PDZRN4: variants seen among roughly 807,000 people sequenced by gnomAD.
PDZRN4 encodes PDZ domain-containing RING finger protein 4.
In PDZRN4, 70 loss-of-function variants were observed where a neutral mutation model predicts 99.0. That is an observed-to-expected ratio of 0.71 (90% CI 0.58 to 0.86). PDZRN4 has a LOEUF of 0.86. Among genes scored for constraint, PDZRN4 ranks in the 40% least tolerant of loss-of-function variants. The pLI is 0.00. For missense variants in PDZRN4, 1,474 were observed against 1,331.2 expected (o/e 1.11, Z -1.67); for synonymous variants, 551 against 501.6 (o/e 1.10, Z -1.32).
chr12:41,557,107 C>T (rs1260819794), intron 7 of PDZRN4, among the ~76,000 whole-genome samples: 2 of 139,574 alleles, frequency 1.4e-5, no homozygotes, highest in Non-Finnish European at 3.1e-5. Context: ...GCCGAGATGC[C>T]ACCACTGTAC....
At chr12:41,504,075 C>A (rs541089316) in intron 3 of PDZRN4, among the ~76,000 whole-genome samples, 22 of 151,872 alleles carry the variant, frequency 1.4e-4, no homozygotes, top group Non-Finnish European at 2.8e-4. Context: ...TAGAGACCAT[C>A]CTGGCCAACA....
At chr12:41,357,641 T>C (rs1192565663) in intron 3 of PDZRN4, among the ~76,000 whole-genome samples, 4 of 152,012 alleles carry the variant, frequency 2.6e-5, no homozygotes, top group African/African-American at 7.2e-5. Context: ...AGCTTAAGCA[T>C]GTACTGTACC....
At chr12:41,197,571 G>A (rs1950781838) in intron 3 of PDZRN4, among the ~76,000 whole-genome samples, 1 of 152,176 alleles carries the variant, frequency 6.6e-6, no homozygotes, top group South Asian at 2.1e-4. Flanking sequence ...TACACTAGGT[G>A]TCAAAATATC....
At chr12:41,363,810 G>A (rs1402295522) in intron 3 of PDZRN4, among the ~76,000 whole-genome samples, 2 of 152,088 alleles carry the variant, frequency 1.3e-5, no homozygotes, top group Non-Finnish European at 2.9e-5. Flanking sequence ...GGTAGAAAGG[G>A]TGAGCAGAAA....
chr12:41,503,257 C>A (rs2120664991), intron 3 of PDZRN4, among the ~76,000 whole-genome samples: 1 of 152,214 alleles, frequency 6.6e-6, no homozygotes, highest in Non-Finnish European at 1.5e-5. Flanking sequence ...AGGTCAGCTG[C>A]ATGATAACTG....
chr12:41,418,509 A>C (rs1390784519), intron 3 of PDZRN4, among the ~76,000 whole-genome samples: 3 of 152,172 alleles, frequency 2.0e-5, no homozygotes, highest in Non-Finnish European at 4.4e-5. Context: ...GAAAATCTGA[A>C]CTTAAAAAAA....
intron 3 of PDZRN4, among the ~76,000 whole-genome samples, chr12:41,418,291 G>A (rs1447272292): frequency 6.6e-6 from 1 of 152,140 alleles, no homozygotes; most frequent in African/African-American, 2.4e-5. Context: ...ATTGAAAGTA[G>A]AGTGTCATCC....
At chr12:41,386,081 T>C (rs550525512) in intron 3 of PDZRN4, among the ~76,000 whole-genome samples, 1 of 152,176 alleles carries the variant, frequency 6.6e-6, no homozygotes, top group Non-Finnish European at 1.5e-5. Context: ...ATTGCCTCAA[T>C]AGGTGCAGAA....
chr12:41,400,066 TTG>T (rs1952279051), intron 3 of PDZRN4, among the ~76,000 whole-genome samples: 1 of 152,168 alleles, frequency 6.6e-6, no homozygotes, highest in Non-Finnish European at 1.5e-5. Flanking sequence ...AAAAGGGATA[TTG>T]CAGCAGCCTT....
In PDZRN4 at chr12:41,573,094, T is replaced by C. The variant is rs779196720; in HGVS notation, c.2315T>C (p.Leu772Pro). Residue 772 changes from leucine (L) to proline (P), a missense_variant, in exon 10 of 10, where the codon CTG (leucine) becomes CCG (proline). Transcript: ENST00000402685. ...RVINLTNKKNLRSTMAATQSS... is the reference protein window; with the variant it reads ...RVINLTNKKNPRSTMAATQSS... ...ATCAACCTCACCAATAAGAAAAACC[T>C]GAGAAGCACAATGGCAGCCACCCAG... 1.2e-6 allele frequency: 2 copies of C among 1,614,022 alleles called. No individual in the cohort carries two copies. The highest frequency in any genetic ancestry group is 1.3e-5 in the African/African-American group (1 of 74,998).
At chr12:41,200,241 G>A (rs1272626267) in intron 3 of PDZRN4, among the ~76,000 whole-genome samples, 2 of 152,114 alleles carry the variant, frequency 1.3e-5, no homozygotes, top group Admixed American at 1.3e-4. Context: ...CTGACTTTGT[G>A]TCACATTGTC....
At chr12:41,518,532 A>C (rs1237935355) in intron 5 of PDZRN4, among the ~76,000 whole-genome samples, 2 of 151,980 alleles carry the variant, frequency 1.3e-5, no homozygotes, top group Non-Finnish European at 2.9e-5. Flanking sequence ...AATTTTCCCA[A>C]AGTAAAATTA....
intron 9 of PDZRN4, among the ~76,000 whole-genome samples, chr12:41,569,823 G>T (rs1167863591): frequency 1.3e-5 from 2 of 152,262 alleles, no homozygotes; most frequent in East Asian, 3.9e-4. Flanking sequence ...TCCACAAACA[G>T]AATTTCATGC....
At chr12:41,260,360 G>A (rs930485859) in intron 3 of PDZRN4, among the ~76,000 whole-genome samples, 15 of 152,062 alleles carry the variant, frequency 9.9e-5, no homozygotes, top group Non-Finnish European at 1.5e-4. Context: ...TATGAGAAGT[G>A]CCATCTTTTG....
chr12:41,258,531 A>T (rs1951217782), intron 3 of PDZRN4, among the ~76,000 whole-genome samples: 1 of 152,226 alleles, frequency 6.6e-6, no homozygotes, highest in Non-Finnish European at 1.5e-5. Context: ...GGTAAAAAGC[A>T]ACTATTCTGT....
chr12:41,393,300 T>C (rs1213939229), intron 3 of PDZRN4, among the ~76,000 whole-genome samples: 1 of 152,214 alleles, frequency 6.6e-6, no homozygotes, highest in Admixed American at 6.6e-5. Context: ...ATTTGCTGGG[T>C]AAATGCACGA....
Position 41,572,564 on chromosome 12 carries a change from G to A in PDZRN4, c.1785G>A (p.Leu595=), listed in dbSNP as rs191399732. ...KRDLGQSQDT[L]GSVELQYNES... is the part of the protein sequence containing the mutation. ...ACCTGGGGCAGAGCCAAGACACTCTGGGAAGTGTTGAACTTCAGTACAATG... is the reference window on the plus strand; with the variant it reads ...ACCTGGGGCAGAGCCAAGACACTCTAGGAAGTGTTGAACTTCAGTACAATG... Residue 595 remains leucine (L), a synonymous_variant, in exon 10 of 10, where the codon CTG becomes CTA. Transcript: ENST00000402685. 83 of 1,614,096 alleles carry A rather than the reference G, an allele frequency of 5.1e-5. No individual in the cohort carries two copies. The Middle Eastern group carries it at 1.2e-3, about 22-fold the overall frequency.
intron 3 of PDZRN4, among the ~76,000 whole-genome samples, chr12:41,249,900 G>A (rs763528733): frequency 2.6e-5 from 4 of 152,212 alleles, no homozygotes; most frequent in African/African-American, 4.8e-5. Flanking sequence ...GAGGGGTTAT[G>A]TGTGTATGTT....
At chr12:41,238,554 A>T (rs1951082127) in intron 3 of PDZRN4, among the ~76,000 whole-genome samples, 1 of 152,054 alleles carries the variant, frequency 6.6e-6, no homozygotes, top group Non-Finnish European at 1.5e-5. Context: ...CCCATTAAAA[A>T]GTGGGCAAAG....
Sources: allele counts gnomAD v4.1 joint callset (sites outside exome capture counted in the v4.1 genomes callset), GRCh38; gene constraint gnomAD v4.1.1; transcripts MANE v1.5; gene names NCBI Gene and HGNC (gene_info 2026-07-23, HGNC 2026-07-21).